Variants in CFAP96 observed in about 807,000 individuals in gnomAD.
The protein encoded by CFAP96 is cilia-and flagella-associated protein 96.
chr4:185,418,195 G>C, the CFAP96 span, among the ~76,000 whole-genome samples: 1 of 152,058 alleles, frequency 6.6e-6, no homozygotes, highest in Admixed American at 6.6e-5. Context: ...ATGTATTTAG[G>C]CTGTTTTATT....
the CFAP96 span, among the ~76,000 whole-genome samples, chr4:185,411,083 C>T: frequency 4.8e-5 from 7 of 144,962 alleles, no homozygotes; most frequent in South Asian, 4.3e-4. Flanking sequence ...AAATCAAATA[C>T]AGAAGTTATA....
the CFAP96 span, chr4:185,429,454 C>A: frequency 6.5e-7 from 1 of 1,538,538 alleles, no homozygotes; most frequent in African/African-American, 1.4e-5. Context: ...AAGGATTGGC[C>A]TCTTTAGTGA....
the CFAP96 span, among the ~76,000 whole-genome samples, chr4:185,436,745 T>TAATAA: frequency 1.8e-3 from 268 of 149,154 alleles, 3 homozygotes; most frequent in African/African-American, 6.4e-3. Context: ...ATAATAATAA[T>TAATAA]TCACTTGAGA....
the CFAP96 span, chr4:185,415,581 T>C: frequency 1.1e-6 from 1 of 887,436 alleles, no homozygotes; most frequent in Non-Finnish European, 1.6e-6. Flanking sequence ...ATTTAATTAA[T>C]AGATGGCTCT....
the CFAP96 span, among the ~76,000 whole-genome samples, chr4:185,414,060 C>A: frequency 1.3e-5 from 2 of 152,038 alleles, no homozygotes; most frequent in African/African-American, 4.8e-5. Context: ...GATTTATTTT[C>A]GTTTACGTCT....
At chr4:185,410,648 A>G in the CFAP96 span, among the ~76,000 whole-genome samples, 3 of 150,668 alleles carry the variant, frequency 2.0e-5, no homozygotes, top group Admixed American at 1.3e-4. Flanking sequence ...ACTCCATCTC[A>G]AAAAAAAGAA....
the CFAP96 span, chr4:185,440,401 AAATT>A: frequency 3.5e-6 from 2 of 568,432 alleles, no homozygotes; most frequent in Non-Finnish European, 6.1e-6. Flanking sequence ...AGAACATAGT[AAATT>A]AATGTTTTAA....
At chr4:185,421,793 T>C in the CFAP96 span, among the ~76,000 whole-genome samples, 1 of 152,354 alleles carries the variant, frequency 6.6e-6, no homozygotes, top group South Asian at 2.1e-4. Flanking sequence ...TACTCGTACT[T>C]TTCATGAGTG....
At chr4:185,408,956 T>C in the CFAP96 span, among the ~76,000 whole-genome samples, 5 of 152,188 alleles carry the variant, frequency 3.3e-5, no homozygotes, top group African/African-American at 1.2e-4. Context: ...TATCATGACT[T>C]GATATACTTT....
chr4:185,447,212 C>T, the CFAP96 span, among the ~76,000 whole-genome samples: 33 of 150,240 alleles, frequency 2.2e-4, no homozygotes, highest in Non-Finnish European at 3.8e-4. Context: ...GACGGAGTCT[C>T]ACTCTGTCGC....
the CFAP96 span, among the ~76,000 whole-genome samples, chr4:185,416,757 G>A: frequency 2.0e-5 from 3 of 152,218 alleles, no homozygotes; most frequent in Admixed American, 2.0e-4. Context: ...AGGCACTGGA[G>A]CCAGCTTGAA....
chr4:185,448,772 C>CT, the CFAP96 span, among the ~76,000 whole-genome samples: 1 of 152,150 alleles, frequency 6.6e-6, no homozygotes, highest in Non-Finnish European at 1.5e-5. Context: ...ATAGATGGAA[C>CT]TTTGTGTGTG....
At chr4:185,417,578 G>A in the CFAP96 span, among the ~76,000 whole-genome samples, 6 of 151,972 alleles carry the variant, frequency 3.9e-5, no homozygotes, top group African/African-American at 1.2e-4. Flanking sequence ...AGAGGCCCAC[G>A]CCCACCTCTC....
chr4:185,439,445 T>C, the CFAP96 span, among the ~76,000 whole-genome samples: 1 of 152,168 alleles, frequency 6.6e-6, no homozygotes, highest in East Asian at 1.9e-4. Flanking sequence ...TAGCGAAAGT[T>C]AGTCTTTTCT....
At chr4:185,423,368 A>C in the CFAP96 span, among the ~76,000 whole-genome samples, 1 of 152,232 alleles carries the variant, frequency 6.6e-6, no homozygotes, top group South Asian at 2.1e-4. Context: ...CAATGAGAGG[A>C]AACTCATACT....
At chr4:185,433,537 ACTT>A in the CFAP96 span, among the ~76,000 whole-genome samples, 10 of 115,866 alleles carry the variant, frequency 8.6e-5, no homozygotes, top group Non-Finnish European at 1.6e-4. Context: ...TAGTAAAACT[ACTT>A]TGTATAACTT....
At chr4:185,442,933 A>T in the CFAP96 span, among the ~76,000 whole-genome samples, 1 of 152,104 alleles carries the variant, frequency 6.6e-6, no homozygotes, top group Non-Finnish European at 1.5e-5. Context: ...CTAATATTTT[A>T]TTAAGTATTT....
At chr4:185,440,201 G>C in the CFAP96 span, among the ~76,000 whole-genome samples, 1 of 152,052 alleles carries the variant, frequency 6.6e-6, no homozygotes, top group African/African-American at 2.4e-5. Context: ...CAGAGTCTCT[G>C]AGAAATGCTA....
At chr4:185,422,382 A>C in the CFAP96 span, 3 of 835,924 alleles carry the variant, frequency 3.6e-6, no homozygotes, top group Non-Finnish European at 5.8e-6. Context: ...ATATAATCTT[A>C]GTTCATCCTA....
Sources: allele counts gnomAD v4.1 joint callset (sites outside exome capture counted in the v4.1 genomes callset), GRCh38; gene constraint gnomAD v4.1.1; transcripts MANE v1.5; gene names NCBI Gene and HGNC (gene_info 2026-07-23, HGNC 2026-07-21).